DOCK2: variants seen among roughly 807,000 people sequenced by gnomAD.
DOCK2 encodes dedicator of cytokinesis protein 2.
A neutral mutation model predicts 248.9 loss-of-function variants in DOCK2; 87 were observed. The observed-to-expected ratio is 0.35, with a 90% CI of 0.29 to 0.42. The LOEUF (loss-of-function observed/expected upper bound fraction) is 0.42, where lower values mean the gene tolerates loss of function less well. Ranked by LOEUF, DOCK2 falls within the 10% of genes least tolerant of loss-of-function variation. DOCK2 has a pLI of 1.00. For synonymous variants in DOCK2, 805 were observed against 821.6 expected (o/e 0.98, Z 0.35); for missense variants, 1,747 against 2,300.2 (o/e 0.76, Z 4.92).
intron 33 of DOCK2, among the ~76,000 whole-genome samples, chr5:170,025,422 G>A (rs1755866995): frequency 6.6e-6 from 1 of 152,160 alleles, no homozygotes; most frequent in Non-Finnish European, 1.5e-5. Context: ...TTACTGTCTG[G>A]CCCTTTACAG....
intron 20 of DOCK2, 77 bp from the exon 21 acceptor site, chr5:169,717,307 G>A: frequency 1.7e-6 from 2 of 1,197,352 alleles, no homozygotes; most frequent in Non-Finnish European, 2.5e-6. Context: ...TTTAATGGGG[G>A]TTGAATTATG....
At position 169,979,469 on chromosome 5, in the gene DOCK2, CAA is replaced by C. The variant is rs1777863137; in HGVS notation, c.2800-3596_2800-3595del. Among the ~76,000 whole-genome samples, 3 of 152,146 alleles carry C rather than the reference CAA, an allele frequency of 2.0e-5. No homozygotes were observed. In the South Asian group the frequency reaches 6.2e-4, roughly 32 times the overall value. The stretch of plus-strand genomic sequence containing the variant: ...ATTCCATGATTCTATCGCTGTATGA[CAA>C]AAGAGGTGGTTTTTAAAATCCAAAT... On this transcript the variant is annotated intron_variant, in intron 27 of 51. Coordinates refer to ENST00000520908, the MANE Select transcript of DOCK2 (RefSeq NM_004946.3).
At chr5:169,903,391 C>T (rs1774066837) in intron 27 of DOCK2, among the ~76,000 whole-genome samples, 1 of 150,590 alleles carries the variant, frequency 6.6e-6, no homozygotes, top group Non-Finnish European at 1.5e-5. Flanking sequence ...CGGGGTGCCG[C>T]AGGAGTCCCT....
At chr5:169,784,649 C>T (rs1765889698) in intron 25 of DOCK2, among the ~76,000 whole-genome samples, 1 of 152,142 alleles carries the variant, frequency 6.6e-6, no homozygotes, top group African/African-American at 2.4e-5. Context: ...TTTTATCTTT[C>T]TCTAATAATC....
chr5:169,741,307 T>A (rs917718415), intron 22 of DOCK2, among the ~76,000 whole-genome samples: 2 of 151,664 alleles, frequency 1.3e-5, no homozygotes, highest in African/African-American at 4.9e-5. Context: ...CATGCCTATT[T>A]CATTGACTTA....
At chr5:169,818,490 T>G (rs111245033) in intron 26 of DOCK2, among the ~76,000 whole-genome samples, 1,678 of 152,346 alleles carry the variant, frequency 0.011, 37 homozygotes, top group Admixed American at 0.05. Flanking sequence ...GGGGCCTCTC[T>G]GAGCCTCAGC....
At chr5:169,944,549 A>G (rs1377149099) in intron 27 of DOCK2, among the ~76,000 whole-genome samples, 1 of 152,246 alleles carries the variant, frequency 6.6e-6, no homozygotes, top group African/African-American at 2.4e-5. Flanking sequence ...CCCCGTCCTC[A>G]GTGGAATCCC....
intron 22 of DOCK2, among the ~76,000 whole-genome samples, chr5:169,726,899 T>C (rs984306063): frequency 2.0e-5 from 3 of 152,074 alleles, no homozygotes; most frequent in Admixed American, 6.5e-5. Context: ...GAGGAGGTGA[T>C]GTTTCAAACT....
intron 27 of DOCK2, among the ~76,000 whole-genome samples, chr5:169,913,283 T>G (rs1333841918): frequency 1.3e-5 from 2 of 152,238 alleles, no homozygotes; most frequent in Non-Finnish European, 1.5e-5. Flanking sequence ...TCTTTCTCTT[T>G]GTACAGAAAG....
chr5:169,684,434 A>G, intron 8 of DOCK2, 84 bp downstream of exon 8: 1 of 1,513,634 alleles, frequency 6.6e-7, no homozygotes, highest in Non-Finnish European at 8.9e-7. Flanking sequence ...TCACTTGTGG[A>G]GCAATCTCCA....
chr5:169,916,198 G>A (rs912061693), intron 27 of DOCK2, among the ~76,000 whole-genome samples: 4 of 152,224 alleles, frequency 2.6e-5, no homozygotes, highest in African/African-American at 9.6e-5. Flanking sequence ...TCTTTTAAGA[G>A]TGTGGGATTC....
chr5:169,858,565 G>A (rs1199254175), intron 27 of DOCK2, among the ~76,000 whole-genome samples: 6 of 152,320 alleles, frequency 3.9e-5, no homozygotes, highest in Admixed American at 1.3e-4. Flanking sequence ...GGATGTGCAG[G>A]GCTTCGGGCC....
chr5:169,845,407 A>G (rs2113351261), intron 27 of DOCK2, among the ~76,000 whole-genome samples: 2 of 152,066 alleles, frequency 1.3e-5, no homozygotes, highest in Middle Eastern at 3.4e-3. Context: ...CATTTAGTGG[A>G]CCCCCCGAGG....
chr5:169,925,621 G>A (rs1011234544), intron 27 of DOCK2, among the ~76,000 whole-genome samples: 3 of 145,624 alleles, frequency 2.1e-5, no homozygotes, highest in African/African-American at 7.6e-5. Context: ...GTCCTGGGGT[G>A]TAATCCCAGC....
At chr5:169,861,932 T>A (rs1325997017) in intron 27 of DOCK2, among the ~76,000 whole-genome samples, 1 of 130,866 alleles carries the variant, frequency 7.6e-6, no homozygotes, top group East Asian at 2.0e-4. Flanking sequence ...TCTTTTCTTT[T>A]CTTTTCTTTT....
At chr5:169,730,534 G>C (rs1233439516) in intron 22 of DOCK2, among the ~76,000 whole-genome samples, 1 of 152,168 alleles carries the variant, frequency 6.6e-6, no homozygotes, top group Admixed American at 6.5e-5. Context: ...TGTATGGCAG[G>C]TAGCACGTAT....
In DOCK2 at chr5:169,974,559, G is replaced by T. The variant is rs539813808; in HGVS notation, c.2800-8509G>T. Among the ~76,000 whole-genome samples, 3 of 152,274 alleles carry T rather than the reference G, an allele frequency of 2.0e-5. No homozygotes were observed. The South Asian group carries it at 6.2e-4, about 32-fold the overall frequency. On this transcript the variant is annotated intron_variant, in intron 27 of 51. Coordinates refer to ENST00000520908, the MANE Select transcript of DOCK2 (RefSeq NM_004946.3). ...GTTGGGACACCTTTACCCACAGAAG[G>T]TTGACCTTGGTGTCATTTTACCCTG...
At chr5:169,746,078 T>A (rs13355359) in intron 22 of DOCK2, among the ~76,000 whole-genome samples, 3 of 152,068 alleles carry the variant, frequency 2.0e-5, no homozygotes, top group African/African-American at 4.8e-5. Context: ...ACTTCACTTA[T>A]GCTTCTGACT....
At chr5:169,647,434 G>C (rs1305633543) in intron 1 of DOCK2, among the ~76,000 whole-genome samples, 1 of 152,134 alleles carries the variant, frequency 6.6e-6, no homozygotes, top group Non-Finnish European at 1.5e-5. Flanking sequence ...GGCCTTATAG[G>C]ATTCAGATGG....
Sources: gnomAD v4.1 joint callset for allele counts (sites outside exome capture counted in the v4.1 genomes callset) on GRCh38, gnomAD v4.1.1 for gene constraint, MANE v1.5 for transcripts, NCBI Gene and HGNC (gene_info 2026-07-23, HGNC 2026-07-21) for gene names.